Variants in ZFPM2 observed in about 807,000 individuals in gnomAD.
ZFPM2 encodes zinc finger protein, FOG family member 2.
Under a neutral mutation model 98.6 loss-of-function variants are expected in ZFPM2, and 20 were observed. The ratio of observed to expected loss-of-function variants is 0.20; its 90% CI spans 0.14 to 0.29. The LOEUF is 0.29. Among genes scored for constraint, ZFPM2 ranks in the 10% least tolerant of loss-of-function variants. The pLI, the probability that ZFPM2 is intolerant of heterozygous loss-of-function variation, is 1.00. For synonymous variants in ZFPM2, 518 were observed against 502.7 expected (o/e 1.03, Z -0.41); for missense variants, 1,310 against 1,388.6 (o/e 0.94, Z 0.90).
At chr8:105,457,014 A>T (rs1162412517) in intron 3 of ZFPM2, among the ~76,000 whole-genome samples, 2 of 152,176 alleles carry the variant, frequency 1.3e-5, no homozygotes, top group Admixed American at 6.5e-5. Flanking sequence ...TGGTTTATCA[A>T]ATAGCTTATG....
At chr8:105,608,018 G>A (rs112923924) in intron 4 of ZFPM2, among the ~76,000 whole-genome samples, 2 of 152,206 alleles carry the variant, frequency 1.3e-5, no homozygotes, top group African/African-American at 4.8e-5. Context: ...AAAAGAACGA[G>A]ATCATGTCTT....
intron 3 of ZFPM2, among the ~76,000 whole-genome samples, chr8:105,464,060 T>A (rs1326592601): frequency 6.6e-6 from 1 of 152,102 alleles, no homozygotes; most frequent in Non-Finnish European, 1.5e-5. Flanking sequence ...TTCTTATCTC[T>A]CTTTCCTTTT....
At chr8:105,467,381 A>G (rs542224543) in intron 3 of ZFPM2, among the ~76,000 whole-genome samples, 28 of 152,104 alleles carry the variant, frequency 1.8e-4, no homozygotes, top group Non-Finnish European at 3.8e-4. Flanking sequence ...GACACACAAG[A>G]TACTTATACC....
chr8:105,537,386 T>C (rs368081560), intron 3 of ZFPM2, among the ~76,000 whole-genome samples: 1 of 152,200 alleles, frequency 6.6e-6, no homozygotes, highest in East Asian at 1.9e-4. Context: ...TGAAATCTTA[T>C]ATCTTTTGTC....
intron 3 of ZFPM2, among the ~76,000 whole-genome samples, chr8:105,495,716 G>GT (rs897498313): frequency 1.3e-5 from 2 of 151,980 alleles, no homozygotes; most frequent in Admixed American, 6.5e-5. Flanking sequence ...ACATTTCATC[G>GT]TTTTTTTCTG....
chr8:105,650,119 C>T (rs1479285653), intron 5 of ZFPM2, among the ~76,000 whole-genome samples: 4 of 152,046 alleles, frequency 2.6e-5, no homozygotes, highest in African/African-American at 4.8e-5. Context: ...GTCTATGTGT[C>T]GAGGAATTTA....
At chr8:105,478,585 G>A (rs1813056206) in intron 3 of ZFPM2, among the ~76,000 whole-genome samples, 1 of 152,184 alleles carries the variant, frequency 6.6e-6, no homozygotes, top group Non-Finnish European at 1.5e-5. Flanking sequence ...CTTGTAGTTT[G>A]AGGCTTCCTA....
chr8:105,719,943 A>G (rs2130993295), intron 5 of ZFPM2, among the ~76,000 whole-genome samples: 1 of 152,066 alleles, frequency 6.6e-6, no homozygotes, highest in South Asian at 2.1e-4. Context: ...GAATTATGTC[A>G]TTGGATAACT....
intron 3 of ZFPM2, among the ~76,000 whole-genome samples, chr8:105,531,414 A>G (rs1262070954): frequency 1.3e-5 from 2 of 151,832 alleles, no homozygotes; most frequent in African/African-American, 2.4e-5. Flanking sequence ...TGTCATTCCA[A>G]TTTTTGCGCT....
chr8:105,512,130 G>A (rs1350236337), intron 3 of ZFPM2, among the ~76,000 whole-genome samples: 1 of 152,194 alleles, frequency 6.6e-6, no homozygotes, highest in African/African-American at 2.4e-5. Context: ...GGGCCACAGA[G>A]CAAGACTCTG....
intron 5 of ZFPM2, among the ~76,000 whole-genome samples, chr8:105,692,545 T>G (rs896514159): frequency 7.2e-5 from 11 of 152,246 alleles, no homozygotes; most frequent in Non-Finnish European, 1.6e-4. Context: ...CAATGTAGCA[T>G]GCATTAAGTG....
Position 105,418,471 on chromosome 8 carries a change from A to T in ZFPM2, c.41-673A>T, listed in dbSNP as rs1477414010. The T allele has an allele frequency of 1.2e-5, 6 of 485,084 alleles. No homozygotes were observed. The Admixed American group carries it at 1.4e-4, about 11-fold the overall frequency. 30.0% of individuals were successfully genotyped at this position (485,084 alleles called of 1,614,324 possible). On this transcript the variant is annotated intron_variant, in intron 1 of 7. Coordinates refer to ENST00000407775, the MANE Select transcript of ZFPM2 (RefSeq NM_012082.4). ...GCGCACCTCACTCTCATTCTCTCCA[A>T]GGGAGTTGTATTTTTATTACTGAAA... is the stretch of plus-strand genomic sequence containing the variant.
At chr8:105,743,514 G>T (rs1257143068) in intron 5 of ZFPM2, among the ~76,000 whole-genome samples, 2 of 152,054 alleles carry the variant, frequency 1.3e-5, no homozygotes, top group African/African-American at 4.8e-5. Context: ...GCAGGGTCCT[G>T]ATCTCTTCAC....
intron 5 of ZFPM2, among the ~76,000 whole-genome samples, chr8:105,638,950 C>T (rs764045139): frequency 6.6e-6 from 1 of 152,002 alleles, no homozygotes; most frequent in Non-Finnish European, 1.5e-5. Context: ...CTTGTCATTC[C>T]AGAAAGTAAT....
chr8:105,684,459 C>T (rs1352621237), intron 5 of ZFPM2, among the ~76,000 whole-genome samples: 1 of 151,896 alleles, frequency 6.6e-6, no homozygotes, highest in Non-Finnish European at 1.5e-5. Flanking sequence ...AAAATCAAAG[C>T]AGCGGGTATG....
intron 5 of ZFPM2, among the ~76,000 whole-genome samples, chr8:105,757,299 T>G (rs1453507673): frequency 1.3e-5 from 2 of 152,158 alleles, no homozygotes; most frequent in Non-Finnish European, 2.9e-5. Flanking sequence ...GACAGATAAC[T>G]CTGTAATGAC....
intron 4 of ZFPM2, among the ~76,000 whole-genome samples, chr8:105,581,600 A>G (rs1184020791): frequency 6.6e-6 from 1 of 152,208 alleles, no homozygotes; most frequent in Non-Finnish European, 1.5e-5. Context: ...ACCAAAATGG[A>G]TATAATGGGC....
intron 3 of ZFPM2, among the ~76,000 whole-genome samples, chr8:105,550,236 G>A (rs1374739766): frequency 6.6e-5 from 10 of 152,060 alleles, no homozygotes; most frequent in Non-Finnish European, 2.9e-5. Flanking sequence ...CTCACCCTGT[G>A]GCCCCGTCCT....
intron 1 of ZFPM2, among the ~76,000 whole-genome samples, chr8:105,333,391 C>A (rs1324627798): frequency 6.6e-6 from 1 of 151,710 alleles, no homozygotes; most frequent in East Asian, 1.9e-4. Context: ...TTGTGCTTAA[C>A]TCATGAGATC....
Sources: gnomAD v4.1 joint callset for allele counts (sites outside exome capture counted in the v4.1 genomes callset) on GRCh38, gnomAD v4.1.1 for gene constraint, MANE v1.5 for transcripts, NCBI Gene and HGNC (gene_info 2026-07-23, HGNC 2026-07-21) for gene names.